The following COMMD8 variants were observed in gnomAD, a reference collection of about 807,000 sequenced individuals.
The protein encoded by COMMD8 is COMM domain-containing protein 8.
Under a neutral mutation model 27.2 loss-of-function variants are expected in COMMD8, and 28 were observed. The observed-to-expected ratio is 1.03, with a 90% CI of 0.76 to 1.41. The LOEUF is 1.41. Ranked by LOEUF, COMMD8 falls within the 40% of genes most tolerant of loss-of-function variation. COMMD8 has a pLI of 0.00. For synonymous variants in COMMD8, 79 were observed against 75.5 expected (o/e 1.05, Z -0.24); for missense variants, 217 against 211.2 (o/e 1.03, Z -0.17).
At chr4:47,455,515 G>C (rs532122553) in intron 3 of COMMD8, among the ~76,000 whole-genome samples, 4 of 152,002 alleles carry the variant, frequency 2.6e-5, no homozygotes, top group Non-Finnish European at 5.9e-5. Flanking sequence ...CTCTAGTTTT[G>C]TATCACCTTC....
chr4:47,461,025 T>C (rs1002820396), intron 1 of COMMD8, among the ~76,000 whole-genome samples: 1 of 152,232 alleles, frequency 6.6e-6, no homozygotes, highest in African/African-American at 2.4e-5. Context: ...TGAGTCTGCT[T>C]CCTCAAGTGT....
At chr4:47,455,236 A>G (rs28401446) in intron 3 of COMMD8, among the ~76,000 whole-genome samples, 6,568 of 152,174 alleles carry the variant, frequency 0.043, 456 homozygotes, top group African/African-American at 0.15. Context: ...GGCCAGTCTC[A>G]AACTCCTGGC....
intron 3 of COMMD8, among the ~76,000 whole-genome samples, chr4:47,454,876 A>C (rs1729846789): frequency 2.0e-5 from 3 of 151,612 alleles, no homozygotes; most frequent in Non-Finnish European, 4.4e-5. Flanking sequence ...AAAAAAAAAA[A>C]AAAAAAAAAA....
chr4:47,456,211 C>T (rs1344314085), intron 3 of COMMD8, among the ~76,000 whole-genome samples: 1 of 149,572 alleles, frequency 6.7e-6, no homozygotes, highest in African/African-American at 2.5e-5. Context: ...CGCACCATTG[C>T]ACTCCAGCCT....
At position 47,457,839 on chromosome 4, in the gene COMMD8, A is replaced by C. The variant is rs542834205; in HGVS notation, c.223-1110T>G. ...CCTTGACAATAGTATTATAGGGAGG[A>C]AAAGAAAAAAAAAAAACACCTAGGC... On this transcript the variant is annotated intron_variant, in intron 2 of 4. Transcript: ENST00000381571. Among the ~76,000 whole-genome samples, 93 of 148,584 alleles carry C rather than the reference A, an allele frequency of 6.3e-4. 2 individuals carry two copies. In the East Asian group the frequency reaches 0.017, roughly 27 times the overall value.
At chr4:47,456,764 G>C (rs1729902592) in intron 2 of COMMD8, 35 bp from the exon 3 acceptor site, 23 of 1,507,584 alleles carry the variant, frequency 1.5e-5, no homozygotes, top group Non-Finnish European at 1.9e-5. Context: ...GGGGCTTTCT[G>C]TTTAAAATGT....
chr4:47,462,789 C>CA (rs1730093616), intron 1 of COMMD8, among the ~76,000 whole-genome samples: 1 of 152,098 alleles, frequency 6.6e-6, no homozygotes, highest in Admixed American at 6.5e-5. Context: ...TCAGGTTCCT[C>CA]ACTTGCAAAA....
intron 1 of COMMD8, among the ~76,000 whole-genome samples, chr4:47,462,897 T>G (rs1730097427): frequency 6.6e-6 from 1 of 152,086 alleles, no homozygotes; most frequent in Non-Finnish European, 1.5e-5. Flanking sequence ...ATAAATGGAA[T>G]AGAGGAAACA....
chr4:47,463,521 G>C (rs1730123530), intron 1 of COMMD8, 65 bp downstream of exon 1: 4 of 1,476,066 alleles, frequency 2.7e-6, no homozygotes, highest in African/African-American at 2.8e-5. Context: ...CACCCGGCCT[G>C]ATCCGCACGC....
chr4:47,460,384 G>A (rs1006568121), intron 1 of COMMD8, 85 bp from the exon 2 acceptor site: 8 of 1,138,134 alleles, frequency 7.0e-6, no homozygotes, highest in South Asian at 2.8e-5. Context: ...AATGTTGGGA[G>A]ATGTTCATGT....
rs1455538328 is a variant in COMMD8, at chr4:47,451,309, A to G, written c.*336T>C. ...CAATATTCAAGTATATTTGTGCTTT[A>G]TATTTTTACATTACTTTAGAACCTA... On this transcript the variant is annotated 3_prime_UTR_variant, in exon 5 of 5. Transcript: ENST00000381571. The G allele has an allele frequency of 3.8e-6, 1 of 264,900 alleles. No individual in the cohort carries two copies. The highest frequency in any genetic ancestry group is 7.2e-6 in the Non-Finnish European group (1 of 139,392). The allele number at this position is 264,900 out of a possible 1,614,324, so 16.4% of individuals were successfully genotyped here. A position where few individuals can be genotyped will look rare whatever the true frequency, so the allele number is the denominator to read the frequency against.
chr4:47,462,283 A>G (rs1730044781), intron 1 of COMMD8, among the ~76,000 whole-genome samples: 1 of 152,182 alleles, frequency 6.6e-6, no homozygotes, highest in Non-Finnish European at 1.5e-5. Context: ...ATTGTTGAGG[A>G]CACTCAAAAT....
chr4:47,460,409 G>T, intron 1 of COMMD8, 110 bp from the exon 2 acceptor site: 1 of 848,788 alleles, frequency 1.2e-6, no homozygotes, highest in Non-Finnish European at 1.8e-6. Context: ...TGCAAGACCA[G>T]CTTAAGTTAA....
intron 2 of COMMD8, among the ~76,000 whole-genome samples, chr4:47,457,235 G>A (rs926592595): frequency 6.6e-6 from 1 of 152,154 alleles, no homozygotes; most frequent in Non-Finnish European, 1.5e-5. Flanking sequence ...GTAGCCCTTA[G>A]GCAAGAAGCA....
chr4:47,456,190 TA>T (rs1287313122), intron 3 of COMMD8, among the ~76,000 whole-genome samples: 1 of 150,410 alleles, frequency 6.6e-6, no homozygotes, highest in African/African-American at 2.4e-5. Context: ...GAAGTTGCAG[TA>T]AGCTGAGATC....
At chr4:47,456,265 TACA>T (rs1729882392) in intron 3 of COMMD8, among the ~76,000 whole-genome samples, 1 of 91,770 alleles carries the variant, frequency 1.1e-5, no homozygotes, top group African/African-American at 4.6e-5. Context: ...AAATAAATTA[TACA>T]TATATATATA....
intron 3 of COMMD8, 105 bp from the exon 4 acceptor site, chr4:47,453,319 T>C (rs1332355265): frequency 1.2e-6 from 1 of 839,026 alleles, no homozygotes; most frequent in East Asian, 2.7e-5. Context: ...TACTGTTTGC[T>C]GTTGAGTATA....
chr4:47,451,395 G>A lies in COMMD8; in HGVS notation c.*250C>T. The A allele has an allele frequency of 2.5e-6, 1 of 393,090 alleles. No individual in the cohort carries two copies. The highest frequency in any genetic ancestry group is 4.5e-6 in the Non-Finnish European group (1 of 221,682). The allele number at this position is 393,090 out of a possible 1,614,324, so 24.4% of individuals were successfully genotyped here. A position where few individuals can be genotyped will look rare whatever the true frequency, so the allele number is the denominator to read the frequency against. ...ATTTCTCAAATATTTAATAAATGAG[G>A]CAAAACAATCATGAAAATATAAACT... On this transcript the variant is annotated 3_prime_UTR_variant, in exon 5 of 5. Transcript: ENST00000381571.
In COMMD8 at chr4:47,463,537, T is replaced by A. The variant is rs189392266; in HGVS notation, c.66+49A>T. 8.0e-4 allele frequency: 1,206 copies of A among 1,512,290 alleles called. 15 individuals are homozygous for A. In the Admixed American group the frequency reaches 0.022, roughly 28 times the overall value. 93.7% of individuals were successfully genotyped at this position (1,512,290 alleles called of 1,614,324 possible). ...ACCCGGCCTGATCCGCACGCCGGGC[T>A]GTCGCGAATCCCAGGCCCCGCGCCG... is the stretch of plus-strand genomic sequence containing the variant. On this transcript the variant is annotated intron_variant, in intron 1 of 4. Coordinates refer to ENST00000381571, the MANE Select transcript of COMMD8 (RefSeq NM_017845.5).
Sources: allele counts gnomAD v4.1 joint callset (sites outside exome capture counted in the v4.1 genomes callset), GRCh38; gene constraint gnomAD v4.1.1; transcripts MANE v1.5; gene names NCBI Gene and HGNC (gene_info 2026-07-23, HGNC 2026-07-21).